SUGCT: variants seen among roughly 807,000 people sequenced by gnomAD.
SUGCT encodes the protein succinyl-CoA:glutarate CoA-transferase.
Under a neutral mutation model 55.0 loss-of-function variants are expected in SUGCT, and 41 were observed. The observed-to-expected ratio is 0.74, with a 90% CI of 0.58 to 0.97. The LOEUF (loss-of-function observed/expected upper bound fraction) is 0.97. Among genes scored for constraint, SUGCT ranks in the 50% least tolerant of loss-of-function variants. SUGCT has a pLI of 0.00. For synonymous variants in SUGCT, 187 were observed against 200.4 expected, an observed-to-expected ratio of 0.93 and a Z score of 0.56; for missense variants, 568 against 547.8, an observed-to-expected ratio of 1.04 and a Z score of -0.37.
chr7:40,576,435 G>A (rs1796764510), intron 12 of SUGCT, among the ~76,000 whole-genome samples: 1 of 152,216 alleles, frequency 6.6e-6, no homozygotes, highest in African/African-American at 2.4e-5. Context: ...AAGCTATTTT[G>A]TCTCACCAAA....
At chr7:40,950,147 A>G in the SUGCT span, among the ~76,000 whole-genome samples, 1 of 152,190 alleles carries the variant, frequency 6.6e-6, no homozygotes, top group South Asian at 2.1e-4. Flanking sequence ...AGTGGTTTAT[A>G]GTTCTCCTTG....
intron 11 of SUGCT, among the ~76,000 whole-genome samples, chr7:40,490,448 G>A (rs1267080058): frequency 6.6e-6 from 1 of 152,182 alleles, no homozygotes; most frequent in Non-Finnish European, 1.5e-5. Context: ...TGCAGAAATT[G>A]TGAATGTAGG....
At chr7:40,720,437 G>A (rs185608328) in intron 12 of SUGCT, among the ~76,000 whole-genome samples, 24 of 152,280 alleles carry the variant, frequency 1.6e-4, no homozygotes, top group Admixed American at 6.5e-4. Context: ...AATTTGAACA[G>A]TTTTAGAATG....
intron 12 of SUGCT, among the ~76,000 whole-genome samples, chr7:40,632,346 T>C (rs182540463): frequency 6.6e-6 from 1 of 151,928 alleles, no homozygotes; most frequent in East Asian, 1.9e-4. Context: ...AACTAGTAAA[T>C]GCCAAACCTG....
the SUGCT span, among the ~76,000 whole-genome samples, chr7:40,881,491 G>C: frequency 6.6e-6 from 1 of 152,218 alleles, no homozygotes; most frequent in Non-Finnish European, 1.5e-5. Context: ...TATGGAACTT[G>C]GGAGGATGGG....
intron 12 of SUGCT, among the ~76,000 whole-genome samples, chr7:40,599,998 C>T (rs1584100331): frequency 6.6e-6 from 1 of 152,080 alleles, no homozygotes; most frequent in Non-Finnish European, 1.5e-5. Flanking sequence ...GCTTCTCTTC[C>T]TCTTTGCAGT....
rs368633369 is a variant in SUGCT, at chr7:40,300,942, A to G, written c.721-15818A>G. The stretch of plus-strand genomic sequence containing the variant: ...GTGATGGCCATAAAATGGCAGTTAT[A>G]TTTAACAAAAGCATTTTGTATGAGT... On this transcript the variant is annotated intron_variant, in intron 8 of 13. Coordinates refer to ENST00000335693, the MANE Select transcript of SUGCT (RefSeq NM_001193313.2). Among the ~76,000 whole-genome samples the G allele has an allele frequency of 6.6e-4, 101 of 152,322 alleles. 2 individuals are homozygous for G. The South Asian group carries it at 0.02, about 30-fold the overall frequency.
chr7:40,571,610 A>G (rs1271415230), intron 12 of SUGCT, among the ~76,000 whole-genome samples: 1 of 152,196 alleles, frequency 6.6e-6, no homozygotes, highest in Non-Finnish European at 1.5e-5. Context: ...AGTATTTTGA[A>G]CAAAATAAAT....
chr7:40,160,895 C>A lies in SUGCT; in HGVS notation c.101-20052C>A, dbSNP rs1419717180. On this transcript the variant is annotated intron_variant, in intron 1 of 13. Coordinates refer to ENST00000335693, the MANE Select transcript of SUGCT (RefSeq NM_001193313.2). ...TAGGGTTATGGAAGATGATAGAGAACATGATTTTCATAGCATACTGATATA... is the reference window on the plus strand; with the variant it reads ...TAGGGTTATGGAAGATGATAGAGAAAATGATTTTCATAGCATACTGATATA... Among the ~76,000 whole-genome samples, 3 of 151,990 alleles carry A rather than the reference C, an allele frequency of 2.0e-5. No homozygotes were observed. In the East Asian group the frequency reaches 5.8e-4, roughly 29 times the overall value.
the SUGCT span, among the ~76,000 whole-genome samples, chr7:41,007,711 AAAAG>A: frequency 1.3e-5 from 2 of 152,186 alleles, no homozygotes; most frequent in Non-Finnish European, 2.9e-5. Flanking sequence ...AAAAACAAGA[AAAAG>A]AAAGGGGAAA....
intron 12 of SUGCT, among the ~76,000 whole-genome samples, chr7:40,596,711 G>A (rs1798024335): frequency 1.3e-5 from 2 of 152,154 alleles, no homozygotes; most frequent in South Asian, 4.1e-4. Context: ...AATATATGAA[G>A]TGTTAAAGTT....
intron 8 of SUGCT, among the ~76,000 whole-genome samples, chr7:40,300,194 G>T (rs781039712): frequency 1.3e-5 from 2 of 152,094 alleles, no homozygotes; most frequent in Non-Finnish European, 2.9e-5. Flanking sequence ...TTTTTACGAT[G>T]TTACCCTGAA....
At chr7:40,427,740 A>T (rs914513379) in intron 9 of SUGCT, among the ~76,000 whole-genome samples, 5 of 152,162 alleles carry the variant, frequency 3.3e-5, no homozygotes, top group African/African-American at 1.2e-4. Context: ...ATAGGCAGAG[A>T]GGCCTTCCGA....
At chr7:40,535,278 C>T (rs1562844045) in intron 12 of SUGCT, among the ~76,000 whole-genome samples, 2 of 152,070 alleles carry the variant, frequency 1.3e-5, no homozygotes, top group Non-Finnish European at 2.9e-5. Context: ...GAGCATGATA[C>T]TCAATAGTTA....
At chr7:40,985,570 G>A in the SUGCT span, among the ~76,000 whole-genome samples, 1 of 152,176 alleles carries the variant, frequency 6.6e-6, no homozygotes, top group Non-Finnish European at 1.5e-5. Context: ...AAGGAGAAGT[G>A]TGTTTGAAGG....
the SUGCT span, among the ~76,000 whole-genome samples, chr7:40,896,129 TA>T: frequency 1.3e-5 from 2 of 151,918 alleles, no homozygotes; most frequent in Non-Finnish European, 2.9e-5. Flanking sequence ...TTCAAACAAA[TA>T]AACAAATTTA....
At chr7:40,918,832 T>G in the SUGCT span, among the ~76,000 whole-genome samples, 1 of 152,196 alleles carries the variant, frequency 6.6e-6, no homozygotes, top group African/African-American at 2.4e-5. Context: ...GAGTCTAAAT[T>G]CCACAAGACA....
intron 1 of SUGCT, among the ~76,000 whole-genome samples, chr7:40,163,765 T>G (rs1784291535): frequency 6.6e-6 from 1 of 151,982 alleles, no homozygotes; most frequent in Non-Finnish European, 1.5e-5. Flanking sequence ...GACGAAAAAA[T>G]GAGTGATTTC....
intron 11 of SUGCT, among the ~76,000 whole-genome samples, chr7:40,468,941 C>A (rs1456653874): frequency 6.6e-6 from 1 of 152,080 alleles, no homozygotes; most frequent in Non-Finnish European, 1.5e-5. Context: ...CAGTTAGGAG[C>A]CCCAGAGATG....
Sources: allele counts gnomAD v4.1 joint callset (sites outside exome capture counted in the v4.1 genomes callset), GRCh38; gene constraint gnomAD v4.1.1; transcripts MANE v1.5; gene names NCBI Gene and HGNC (gene_info 2026-07-23, HGNC 2026-07-21).